MED13L: variants seen among roughly 807,000 people sequenced by gnomAD.
The protein encoded by MED13L is mediator complex subunit 13L.
MED13L carries 7 observed loss-of-function variants against 220.9 expected under a neutral mutation model. That is an observed-to-expected ratio of 0.03 (90% CI 0.02 to 0.06). The LOEUF (loss-of-function observed/expected upper bound fraction) is 0.06, where lower values mean the gene tolerates loss of function less well. MED13L is among the 10% of genes least tolerant of loss of function. The probability of loss-of-function intolerance (pLI) is 1.00; values close to 1 mark genes in which losing one functional copy is unlikely to be tolerated. For synonymous variants in MED13L, 1,011 were observed against 1,015.2 expected (o/e 1.00, Z 0.08); for missense variants, 1,965 against 2,760.5 (o/e 0.71, Z 6.46).
At chr12:115,980,025 T>A (rs1237609687) in intron 23 of MED13L, among the ~76,000 whole-genome samples, 1 of 152,164 alleles carries the variant, frequency 6.6e-6, no homozygotes, top group Non-Finnish European at 1.5e-5. Flanking sequence ...TTCCTCTAAG[T>A]ATGTGCATCA....
intron 2 of MED13L, among the ~76,000 whole-genome samples, chr12:116,215,879 A>G (rs1027417214): frequency 1.3e-5 from 2 of 152,178 alleles, no homozygotes; most frequent in Non-Finnish European, 2.9e-5. Flanking sequence ...ATTGTAGCCC[A>G]GATTAATCCT....
chr12:115,964,704 C>G (rs372443457), intron 29 of MED13L, among the ~76,000 whole-genome samples: 2 of 152,048 alleles, frequency 1.3e-5, no homozygotes, highest in East Asian at 1.9e-4. Flanking sequence ...AGAGCTGCCC[C>G]CTAAGATGGC....
chr12:115,987,034 T>G (rs1877738870), intron 18 of MED13L, 75 bp downstream of exon 18: 4 of 1,456,874 alleles, frequency 2.7e-6, no homozygotes, highest in Non-Finnish European at 2.9e-6. Context: ...CGCAAGGACT[T>G]GACAGTAACT....
rs577421474 is a variant in MED13L at position 116,070,115 on chromosome 12, G to A, written c.479+26554C>T. On this transcript the variant is annotated intron_variant, in intron 4 of 30. Coordinates refer to ENST00000281928, the MANE Select transcript of MED13L (RefSeq NM_015335.5). ...TCTCACTCTTGGCATGATTCATTAA[G>A]GGCTAAAATAGATAAAGTAGCTGCC... Among the ~76,000 whole-genome samples, 6 of 152,248 alleles carry A rather than the reference G, an allele frequency of 3.9e-5. No homozygotes were observed. The East Asian group carries it at 9.6e-4, about 24-fold the overall frequency.
intron 4 of MED13L, among the ~76,000 whole-genome samples, chr12:116,049,357 CA>C (rs1163383705): frequency 6.6e-6 from 1 of 152,160 alleles, no homozygotes; most frequent in Non-Finnish European, 1.5e-5. Context: ...AACAATGTTA[CA>C]GATTTTTATT....
intron 4 of MED13L, among the ~76,000 whole-genome samples, chr12:116,089,095 A>T (rs1565871572): frequency 6.6e-6 from 1 of 152,236 alleles, no homozygotes; most frequent in Non-Finnish European, 1.5e-5. Context: ...GAAATAAAAA[A>T]GGTCCAATGG....
At chr12:116,072,126 C>T (rs1387503929) in intron 4 of MED13L, among the ~76,000 whole-genome samples, 1 of 152,200 alleles carries the variant, frequency 6.6e-6, no homozygotes, top group Admixed American at 6.5e-5. Flanking sequence ...CCTGGCACTA[C>T]AGTTCACCAA....
chr12:116,204,942 T>C (rs1382965608), intron 2 of MED13L, among the ~76,000 whole-genome samples: 3 of 152,116 alleles, frequency 2.0e-5, no homozygotes, highest in Non-Finnish European at 4.4e-5. Context: ...AGCAGTGTAG[T>C]GTCAGTGGTG....
intron 13 of MED13L, among the ~76,000 whole-genome samples, chr12:116,004,554 T>C (rs1878932507): frequency 6.6e-6 from 1 of 152,138 alleles, no homozygotes; most frequent in African/African-American, 2.4e-5. Context: ...TAGTACAGTT[T>C]AAAATCCAAA....
At chr12:116,070,337 T>G (rs1027355337) in intron 4 of MED13L, among the ~76,000 whole-genome samples, 1 of 152,204 alleles carries the variant, frequency 6.6e-6, no homozygotes, top group Admixed American at 6.5e-5. Context: ...CATTTATCTC[T>G]CAAGGTTGTT....
intron 15 of MED13L, 68 bp downstream of exon 15, chr12:115,996,942 A>T: frequency 6.8e-7 from 1 of 1,473,524 alleles, no homozygotes; most frequent in Non-Finnish European, 9.5e-7. Context: ...ATACCATTTT[A>T]AAGCAGATGT....
At chr12:116,085,786 ACACG>A (rs1235808343) in intron 4 of MED13L, among the ~76,000 whole-genome samples, 1 of 141,838 alleles carries the variant, frequency 7.1e-6, no homozygotes, top group Non-Finnish European at 1.6e-5. Context: ...ACACACACAC[ACACG>A]ACATTAAGAA....
rs556277044 is a variant in MED13L, at chr12:116,011,552, G to T, written c.1280+1245C>A. Among the ~76,000 whole-genome samples the T allele has an allele frequency of 4.5e-4, 68 of 152,212 alleles. 2 individuals are homozygous for T. In the South Asian group the frequency reaches 0.014, roughly 31 times the overall value. Reference sequence around the variant, plus strand: ...TTTATATCCTATGTATGTGCTAAAGGCGGGCCTTAACTTGGCTGTGAGCTG... The same window carrying T: ...TTTATATCCTATGTATGTGCTAAAGTCGGGCCTTAACTTGGCTGTGAGCTG... On this transcript the variant is annotated intron_variant, in intron 9 of 30. Transcript: ENST00000281928.
chr12:116,020,731 T>TA (rs1269748589), intron 5 of MED13L, among the ~76,000 whole-genome samples: 5 of 152,296 alleles, frequency 3.3e-5, no homozygotes, highest in African/African-American at 1.2e-4. Context: ...ATATAGTTAA[T>TA]ATAGTACTGT....
intron 4 of MED13L, chr12:116,082,633 T>C (rs529513861): frequency 5.3e-5 from 8 of 152,130 alleles, no homozygotes; most frequent in Non-Finnish European, 1.0e-4. Flanking sequence ...ACATGGCCCC[T>C]GCACAACGAT....
intron 4 of MED13L, among the ~76,000 whole-genome samples, chr12:116,049,580 A>C (rs1882033979): frequency 6.6e-6 from 1 of 152,224 alleles, no homozygotes; most frequent in African/African-American, 2.4e-5. Flanking sequence ...TCACTGGCAC[A>C]ACCTCGAATT....
At chr12:116,126,853 G>A (rs559043782) in intron 2 of MED13L, among the ~76,000 whole-genome samples, 18 of 152,216 alleles carry the variant, frequency 1.2e-4, no homozygotes, top group African/African-American at 4.3e-4. Context: ...TTTATAAAGT[G>A]AAGTCCTAAC....
intron 4 of MED13L, among the ~76,000 whole-genome samples, chr12:116,032,126 A>C (rs1001565044): frequency 3.3e-5 from 5 of 152,184 alleles, no homozygotes; most frequent in African/African-American, 1.2e-4. Context: ...AATATAAAAG[A>C]ATATATGAAG....
chr12:116,145,659 CTATTTATTTATTTATTTATTTATT>C (rs558385895), intron 2 of MED13L, among the ~76,000 whole-genome samples: 1 of 123,560 alleles, frequency 8.1e-6, no homozygotes, highest in Non-Finnish European at 1.6e-5. Flanking sequence ...ACACTCAACT[CTATTTATTTATTTATTTATTTATT>C]TATTTATTTA....
Sources: gnomAD v4.1 joint callset for allele counts (sites outside exome capture counted in the v4.1 genomes callset) on GRCh38, gnomAD v4.1.1 for gene constraint, MANE v1.5 for transcripts, NCBI Gene and HGNC (gene_info 2026-07-23, HGNC 2026-07-21) for gene names.